The following INTS6 variants were observed in gnomAD, a reference collection of about 807,000 sequenced individuals.
INTS6 encodes the protein DEAD box protein.
Under a neutral mutation model 104.9 loss-of-function variants are expected in INTS6, and 16 were observed. The ratio of observed to expected loss-of-function variants is 0.15; its 90% confidence interval spans 0.10 to 0.23. The LOEUF is 0.23. INTS6 is among the 10% of genes least tolerant of loss of function. The pLI, the probability that INTS6 is intolerant of heterozygous loss-of-function variation, is 1.00. For missense variants in INTS6, 584 were observed against 1,062.8 expected, an observed-to-expected ratio of 0.55 and a Z score of 6.26; for synonymous variants, 324 against 358.7, an observed-to-expected ratio of 0.90 and a Z score of 1.09.
the INTS6 span, chr13:51,348,446 A>G: frequency 6.3e-7 from 1 of 1,584,636 alleles, no homozygotes; most frequent in Non-Finnish European, 8.6e-7. Flanking sequence ...GGTGCTGTGC[A>G]GCCAGCAGTC....
chr13:51,432,500 G>T (rs111293880), intron 3 of INTS6, among the ~76,000 whole-genome samples: 1,728 of 149,406 alleles, frequency 0.012, 26 homozygotes, highest in East Asian at 0.072. Context: ...ATTTTTTCAT[G>T]TGTTTGAACA....
chr13:51,361,505 A>G (rs1955574153), downstream of INTS6: 1 of 637,988 alleles, frequency 1.6e-6, no homozygotes, highest in African/African-American at 1.9e-5. Context: ...AAGGAACACT[A>G]AAGAAAACAA....
At chr13:51,408,269 G>A (rs1026138518) in intron 4 of INTS6, among the ~76,000 whole-genome samples, 1 of 150,978 alleles carries the variant, frequency 6.6e-6, no homozygotes, top group African/African-American at 2.4e-5. Context: ...TCAGCCTCCC[G>A]AGTAGCTGGG....
chr13:51,451,904 G>A, intron 2 of INTS6, 74 bp downstream of exon 2: 3 of 1,051,066 alleles, frequency 2.9e-6, no homozygotes, highest in Non-Finnish European at 4.3e-6. Context: ...AAGGGTGAAT[G>A]GGGGGGCGGG....
At chr13:51,416,352 T>C (rs74718199) in intron 4 of INTS6, among the ~76,000 whole-genome samples, 1,727 of 152,338 alleles carry the variant, frequency 0.011, 26 homozygotes, top group East Asian at 0.071. Flanking sequence ...TCAGAACATT[T>C]TGATCACCTG....
the INTS6 span, among the ~76,000 whole-genome samples, chr13:51,341,767 GGAT>G: frequency 6.6e-6 from 1 of 152,156 alleles, no homozygotes; most frequent in African/African-American, 2.4e-5. Flanking sequence ...GCTCTGTTGA[GGAT>G]GATAATTTTA....
At chr13:51,374,136 A>G (rs939299817) in intron 15 of INTS6, 72 bp downstream of exon 15, 15 of 1,230,812 alleles carry the variant, frequency 1.2e-5, no homozygotes, top group Admixed American at 1.8e-5. Flanking sequence ...TCTATAATCT[A>G]TAACAAAAAT....
chr13:51,335,223 T>C, the INTS6 span, among the ~76,000 whole-genome samples: 18 of 152,168 alleles, frequency 1.2e-4, no homozygotes, highest in South Asian at 2.1e-3. Context: ...AAATAGATAA[T>C]GGCCAAAAGG....
At chr13:51,430,146 C>A (rs1371984891) in intron 4 of INTS6, 148 bp downstream of exon 4, 4 of 621,946 alleles carry the variant, frequency 6.4e-6, no homozygotes, top group Non-Finnish European at 8.4e-6. Flanking sequence ...AACACTGCTA[C>A]AAACAAAGAT....
At chr13:51,378,725 C>A (rs1371855250) in intron 11 of INTS6, among the ~76,000 whole-genome samples, 1 of 151,924 alleles carries the variant, frequency 6.6e-6, no homozygotes, top group African/African-American at 2.4e-5. Flanking sequence ...ACCCACTATA[C>A]CTAAACCATG....
rs775637492 is a variant in INTS6 at position 51,376,146 on chromosome 13, G to A, written c.1631C>T (p.Ala544Val). Residue 544 changes from alanine (A) to valine (V), a missense_variant, in exon 13 of 18, where the codon GCT becomes GTT. This residue lies in a region of INTS6 where 296 missense variants were observed against 437.0 expected (regional missense o/e 0.68). Transcript: ENST00000311234. ...KDLKPQTFRN[A>V]YDIPRRNLLD... Reference sequence around the variant, plus strand: ...AAGATTTCGTCTTGGTATGTCATAAGCATTTCTAAATGTCTGTGGCTTCAA... The same window carrying A: ...AAGATTTCGTCTTGGTATGTCATAAACATTTCTAAATGTCTGTGGCTTCAA... The A allele has an allele frequency of 6.2e-7, 1 of 1,610,002 alleles. No homozygotes were observed. The highest frequency in any genetic ancestry group is 1.1e-5 in the South Asian group (1 of 90,214).
chr13:51,390,095 A>G (rs1043644689), intron 5 of INTS6, among the ~76,000 whole-genome samples: 4 of 152,176 alleles, frequency 2.6e-5, no homozygotes, highest in African/African-American at 9.6e-5. Flanking sequence ...GTTCAGAAGC[A>G]TTAAATACTA....
intron 5 of INTS6, among the ~76,000 whole-genome samples, chr13:51,394,468 A>G (rs1436543819): frequency 6.6e-6 from 1 of 152,184 alleles, no homozygotes; most frequent in African/African-American, 2.4e-5. Context: ...GCTGGCTATG[A>G]CGAATCTCAT....
intron 7 of INTS6, chr13:51,384,009 T>C (rs1474972080): frequency 4.2e-6 from 1 of 240,128 alleles, no homozygotes; most frequent in Non-Finnish European, 8.0e-6. Flanking sequence ...GAGTATTCAT[T>C]AATTTTTACA....
chr13:51,355,852 T>C (rs1955473216), intron 3 of INTS6, among the ~76,000 whole-genome samples: 1 of 152,232 alleles, frequency 6.6e-6, no homozygotes. Context: ...GGTTTGTTTC[T>C]ACTCTGGATA....
intron 4 of INTS6, among the ~76,000 whole-genome samples, chr13:51,429,656 C>T (rs958919724): frequency 2.7e-5 from 4 of 147,980 alleles, no homozygotes; most frequent in African/African-American, 5.0e-5. Flanking sequence ...CCCAGTTACT[C>T]GGGAGGCTGA....
chr13:51,411,560 AAAAAG>A (rs1336374819), intron 4 of INTS6, among the ~76,000 whole-genome samples: 1 of 152,008 alleles, frequency 6.6e-6, no homozygotes, highest in Non-Finnish European at 1.5e-5. Flanking sequence ...CTCAAAAAAA[AAAAAG>A]AAAAGAAAAG....
chr13:51,426,654 C>A (rs1956990501), intron 4 of INTS6, among the ~76,000 whole-genome samples: 1 of 151,982 alleles, frequency 6.6e-6, no homozygotes, highest in South Asian at 2.1e-4. Context: ...ATATTAAGAA[C>A]CAGATATGTC....
At chr13:51,421,262 C>T in intron 4 of INTS6, 1 of 985,798 alleles carries the variant, frequency 1.0e-6, no homozygotes, top group Non-Finnish European at 1.2e-6. Flanking sequence ...ATGACCCTCC[C>T]TGAGGCACCA....
Sources: allele counts gnomAD v4.1 joint callset (sites outside exome capture counted in the v4.1 genomes callset), GRCh38; gene constraint gnomAD v4.1.1; regional missense constraint gnomAD v4.1.1; transcripts MANE v1.5; gene names NCBI Gene and HGNC (gene_info 2026-07-23, HGNC 2026-07-21).